Variants in PRELID2 observed in about 807,000 individuals in gnomAD.
The protein encoded by PRELID2 is PRELI domain containing 2.
In PRELID2, 25 loss-of-function variants were observed where a neutral mutation model predicts 28.4. The ratio of observed to expected loss-of-function variants is 0.88; its 90% CI spans 0.64 to 1.23. The LOEUF (loss-of-function observed/expected upper bound fraction) is 1.23. Ranked by LOEUF, PRELID2 falls within the 50% of genes most tolerant of loss-of-function variation. The pLI is 0.00. For missense variants in PRELID2, 201 were observed against 214.4 expected, an observed-to-expected ratio of 0.94 and a Z score of 0.39; for synonymous variants, 76 against 71.6, an observed-to-expected ratio of 1.06 and a Z score of -0.31.
chr5:145,608,317 G>A (rs1316945416), intron 1 of PRELID2, among the ~76,000 whole-genome samples: 2 of 152,126 alleles, frequency 1.3e-5, no homozygotes, highest in African/African-American at 4.8e-5. Flanking sequence ...AGACTTGATT[G>A]TGTGGTTGCT....
chr5:145,318,852 A>G, the PRELID2 span, among the ~76,000 whole-genome samples: 1 of 152,220 alleles, frequency 6.6e-6, no homozygotes, highest in African/African-American at 2.4e-5. Context: ...AAATCAGGTC[A>G]CACAGACAAA....
chr5:145,528,127 A>G (rs1428943413), intron 1 of PRELID2, among the ~76,000 whole-genome samples: 1 of 152,110 alleles, frequency 6.6e-6, no homozygotes, highest in South Asian at 2.1e-4. Context: ...GACTTCTTAG[A>G]CCTCATTGTT....
chr5:145,280,921 C>G, the PRELID2 span, among the ~76,000 whole-genome samples: 1 of 151,574 alleles, frequency 6.6e-6, no homozygotes, highest in Non-Finnish European at 1.5e-5. Flanking sequence ...ATGGCGGGGG[C>G]TGGAGTAGGG....
At chr5:145,462,462 A>G in the PRELID2 span, among the ~76,000 whole-genome samples, 1 of 152,230 alleles carries the variant, frequency 6.6e-6, no homozygotes, top group Non-Finnish European at 1.5e-5. Flanking sequence ...AAGCAGTACA[A>G]GTCCTATTCT....
intron 1 of PRELID2, among the ~76,000 whole-genome samples, chr5:145,658,361 G>A (rs1754431146): frequency 6.6e-6 from 1 of 152,160 alleles, no homozygotes; most frequent in African/African-American, 2.4e-5. Flanking sequence ...TGCACTTAAT[G>A]GAGCATGCAT....
chr5:145,699,292 G>A (rs1369046749), intron 1 of PRELID2, among the ~76,000 whole-genome samples: 1 of 152,110 alleles, frequency 6.6e-6, no homozygotes, highest in African/African-American at 2.4e-5. Flanking sequence ...ATGTTCACAT[G>A]TCAGAACGCT....
chr5:145,383,721 C>G, the PRELID2 span, among the ~76,000 whole-genome samples: 18 of 150,866 alleles, frequency 1.2e-4, no homozygotes, highest in African/African-American at 4.4e-4. Flanking sequence ...TAAAAATCTT[C>G]TAGAAGAAAA....
chr5:145,640,633 G>C (rs1754091644), intron 1 of PRELID2, among the ~76,000 whole-genome samples: 1 of 143,328 alleles, frequency 7.0e-6, no homozygotes, highest in Non-Finnish European at 1.5e-5. Flanking sequence ...TACAGAGCGA[G>C]ACTCTGTCTC....
chr5:145,518,150 A>AATAATT (rs1486948817), intron 1 of PRELID2, among the ~76,000 whole-genome samples: 2 of 138,412 alleles, frequency 1.4e-5, no homozygotes, highest in Non-Finnish European at 3.0e-5. Flanking sequence ...TAATAATAAT[A>AATAATT]ATAATAATAA....
chr5:145,786,516 G>C (rs1273024702), intron 5 of PRELID2, among the ~76,000 whole-genome samples: 1 of 152,132 alleles, frequency 6.6e-6, no homozygotes, highest in Non-Finnish European at 1.5e-5. Flanking sequence ...TGTGAGTTTG[G>C]AGATGAAGCT....
intron 1 of PRELID2, among the ~76,000 whole-genome samples, chr5:145,640,257 C>T (rs79995587): frequency 0.072 from 10,860 of 151,832 alleles, 984 homozygotes; most frequent in African/African-American, 0.21. Flanking sequence ...GAGGCCGAGG[C>T]GGGCGGATCA....
chr5:145,247,793 A>G, the PRELID2 span, among the ~76,000 whole-genome samples: 1 of 152,074 alleles, frequency 6.6e-6, no homozygotes, highest in East Asian at 1.9e-4. Flanking sequence ...TGGACCAGAC[A>G]AGTGTTCTGA....
intron 5 of PRELID2, among the ~76,000 whole-genome samples, chr5:145,778,803 G>A (rs745754018): frequency 6.6e-6 from 1 of 152,224 alleles, no homozygotes; most frequent in East Asian, 1.9e-4. Flanking sequence ...CTGCCAGGCC[G>A]ACTGGGTGGA....
chr5:145,570,967 T>C (rs1010546503), intron 1 of PRELID2, among the ~76,000 whole-genome samples: 5 of 152,352 alleles, frequency 3.3e-5, no homozygotes, highest in Non-Finnish European at 7.3e-5. Flanking sequence ...CTTACCGTAA[T>C]CCAGCCATTC....
intron 1 of PRELID2, among the ~76,000 whole-genome samples, chr5:145,661,185 T>A (rs570691726): frequency 6.6e-6 from 1 of 152,154 alleles, no homozygotes; most frequent in Non-Finnish European, 1.5e-5. Flanking sequence ...TACAAAACAC[T>A]CTAGAATAGT....
chr5:145,240,054 C>T, the PRELID2 span, among the ~76,000 whole-genome samples: 10 of 151,882 alleles, frequency 6.6e-5, no homozygotes, highest in Non-Finnish European at 1.2e-4. Context: ...AACAAGGTTG[C>T]GTCTTTCTTG....
intron 1 of PRELID2, among the ~76,000 whole-genome samples, chr5:145,678,172 G>C (rs960714507): frequency 6.6e-6 from 1 of 152,154 alleles, no homozygotes; most frequent in Non-Finnish European, 1.5e-5. Context: ...GAACTAATTA[G>C]GCCAGCTAAT....
chr5:145,353,447 A>G, the PRELID2 span, among the ~76,000 whole-genome samples: 6 of 151,874 alleles, frequency 4.0e-5, no homozygotes, highest in Non-Finnish European at 7.4e-5. Context: ...TGGGTGACAT[A>G]GCTAGAATCC....
chr5:145,327,620 G>A, the PRELID2 span, among the ~76,000 whole-genome samples: 6 of 151,746 alleles, frequency 4.0e-5, no homozygotes, highest in Admixed American at 2.0e-4. Context: ...ATTATTGATA[G>A]GTAAGAATTT....
Sources: allele counts gnomAD v4.1 joint callset (sites outside exome capture counted in the v4.1 genomes callset), GRCh38; gene constraint gnomAD v4.1.1; transcripts MANE v1.5; gene names NCBI Gene and HGNC (gene_info 2026-07-23, HGNC 2026-07-21).